The following RGS7 variants were observed in gnomAD, a reference collection of about 807,000 sequenced individuals.
RGS7 encodes the protein regulator of G protein signaling 7.
A neutral mutation model predicts 81.1 loss-of-function variants in RGS7; 27 were observed. The ratio of observed to expected loss-of-function variants is 0.33; its 90% CI spans 0.25 to 0.46. RGS7 has a LOEUF of 0.46. Among genes scored for constraint, RGS7 ranks in the 20% least tolerant of loss-of-function variants. RGS7 has a pLI of 1.00. For missense variants in RGS7, 396 were observed against 607.4 expected, an observed-to-expected ratio of 0.65 and a Z score of 3.66; for synonymous variants, 208 against 207.7, an observed-to-expected ratio of 1.00 and a Z score of -0.01.
chr1:241,066,365 C>T (rs2062062106), intron 3 of RGS7, among the ~76,000 whole-genome samples: 1 of 152,188 alleles, frequency 6.6e-6, no homozygotes, highest in South Asian at 2.1e-4. Flanking sequence ...ACCCTTCCAG[C>T]TCAGGTTTGC....
At chr1:241,280,278 C>T (rs914788863) in intron 2 of RGS7, among the ~76,000 whole-genome samples, 10 of 152,126 alleles carry the variant, frequency 6.6e-5, no homozygotes, top group Non-Finnish European at 4.4e-5. Context: ...AAGGAATGCC[C>T]GTGATTGCCG....
chr1:241,298,783 T>C (rs980385949), intron 2 of RGS7, among the ~76,000 whole-genome samples: 1 of 152,186 alleles, frequency 6.6e-6, no homozygotes, highest in Non-Finnish European at 1.5e-5. Context: ...CGATCCATGC[T>C]GGCCATTAAT....
intron 3 of RGS7, among the ~76,000 whole-genome samples, chr1:241,002,697 T>G (rs1558581819): frequency 2.0e-5 from 3 of 152,224 alleles, no homozygotes; most frequent in Non-Finnish European, 1.5e-5. Flanking sequence ...GTGCTTGGCA[T>G]ATGATAAGTG....
At chr1:241,319,178 T>G (rs1378607520) in intron 2 of RGS7, among the ~76,000 whole-genome samples, 1 of 152,196 alleles carries the variant, frequency 6.6e-6, no homozygotes, top group Non-Finnish European at 1.5e-5. Context: ...CTGATAATAT[T>G]TAATATAAAA....
At chr1:241,035,729 A>T (rs1215142522) in intron 3 of RGS7, among the ~76,000 whole-genome samples, 3 of 152,130 alleles carry the variant, frequency 2.0e-5, no homozygotes, top group Non-Finnish European at 4.4e-5. Flanking sequence ...CACCTCCATC[A>T]CCATGACCAT....
intron 3 of RGS7, among the ~76,000 whole-genome samples, chr1:241,028,728 A>C (rs1299515599): frequency 6.6e-6 from 1 of 152,182 alleles, no homozygotes; most frequent in Non-Finnish European, 1.5e-5. Flanking sequence ...TAAGTTGAAA[A>C]GCAAAGGACA....
intron 6 of RGS7, among the ~76,000 whole-genome samples, chr1:240,879,204 A>G (rs1665980353): frequency 6.6e-6 from 1 of 152,158 alleles, no homozygotes; most frequent in African/African-American, 2.4e-5. Context: ...TTTTCATATC[A>G]CAGATTTTAA....
chr1:240,894,859 G>A (rs1668791846), intron 6 of RGS7, among the ~76,000 whole-genome samples: 1 of 152,064 alleles, frequency 6.6e-6, no homozygotes, highest in African/African-American at 2.4e-5. Flanking sequence ...CATGTGCAAT[G>A]GACTAGGAAA....
intron 7 of RGS7, among the ~76,000 whole-genome samples, chr1:240,869,226 G>C (rs552974188): frequency 6.6e-6 from 1 of 152,120 alleles, no homozygotes; most frequent in Non-Finnish European, 1.5e-5. Flanking sequence ...TTCCTACTAC[G>C]CATGCAATCA....
At chr1:240,908,438 C>T (rs896815150) in intron 6 of RGS7, among the ~76,000 whole-genome samples, 2 of 152,068 alleles carry the variant, frequency 1.3e-5, no homozygotes, top group Non-Finnish European at 2.9e-5. Flanking sequence ...AATGAATGAA[C>T]GAATGTCTTT....
intron 2 of RGS7, among the ~76,000 whole-genome samples, chr1:241,286,363 T>C (rs1490150578): frequency 6.6e-6 from 1 of 152,204 alleles, no homozygotes; most frequent in Non-Finnish European, 1.5e-5. Flanking sequence ...ACTCCCTTCT[T>C]CAGCTCTGTC....
At chr1:240,870,975 G>A (rs1290012412) in intron 6 of RGS7, among the ~76,000 whole-genome samples, 1 of 152,102 alleles carries the variant, frequency 6.6e-6, no homozygotes, top group African/African-American at 2.4e-5. Flanking sequence ...CTGAGGAGTC[G>A]ATGGCCTGGG....
chr1:240,826,028 G>C (rs1348122645), intron 10 of RGS7, among the ~76,000 whole-genome samples: 3 of 152,156 alleles, frequency 2.0e-5, no homozygotes, highest in Admixed American at 1.3e-4. Flanking sequence ...TTTGAATCTT[G>C]TTCTGCAAAA....
intron 2 of RGS7, among the ~76,000 whole-genome samples, chr1:241,133,475 G>A (rs1174505956): frequency 6.6e-6 from 1 of 151,776 alleles, no homozygotes; most frequent in Non-Finnish European, 1.5e-5. Flanking sequence ...AAACTAAAGA[G>A]ATAGGTTGAT....
intron 3 of RGS7, among the ~76,000 whole-genome samples, chr1:241,057,200 TAGAC>T (rs1481533316): frequency 1.1e-4 from 17 of 152,140 alleles, no homozygotes; most frequent in Admixed American, 9.2e-4. Flanking sequence ...TCACTGCAGA[TAGAC>T]AGACAGAACA....
Position 240,914,755 on chromosome 1 carries a change from G to GA in RGS7, c.385+15961dup, listed in dbSNP as rs200559796. 9.8e-3 allele frequency among the ~76,000 whole-genome samples: 1,474 copies of GA among 150,798 alleles called. 12 individuals carry two copies. The highest frequency in any genetic ancestry group is 0.016 in the Non-Finnish European group (1,084 of 67,616). ...CATCCCTCCCATCCAATCTCACAAA[G>GA]AAAAAAAAAGCTGAAGAAGTAAAAA... On this transcript the variant is annotated intron_variant, in intron 6 of 18. Transcript: ENST00000440928.
At chr1:241,120,609 G>T (rs1283768896) in intron 2 of RGS7, among the ~76,000 whole-genome samples, 3 of 152,256 alleles carry the variant, frequency 2.0e-5, no homozygotes, top group East Asian at 3.9e-4. Flanking sequence ...TCTTCCCAAA[G>T]TGTGGGAATT....
At chr1:241,031,323 A>G (rs2060076293) in intron 3 of RGS7, among the ~76,000 whole-genome samples, 1 of 152,154 alleles carries the variant, frequency 6.6e-6, no homozygotes, top group South Asian at 2.1e-4. Flanking sequence ...ATGGACCAGT[A>G]GTATTCTGTT....
intron 3 of RGS7, among the ~76,000 whole-genome samples, chr1:241,001,367 G>C (rs1046288540): frequency 6.6e-6 from 1 of 152,036 alleles, no homozygotes; most frequent in Non-Finnish European, 1.5e-5. Context: ...TAAATGAACT[G>C]TACGGTATAA....
Sources: allele counts gnomAD v4.1 joint callset (sites outside exome capture counted in the v4.1 genomes callset), GRCh38; gene constraint gnomAD v4.1.1; transcripts MANE v1.5; gene names NCBI Gene and HGNC (gene_info 2026-07-23, HGNC 2026-07-21).